The following CHD4 variants were observed in gnomAD, a reference collection of about 807,000 sequenced individuals.
CHD4 encodes the protein chromodomain helicase DNA binding protein 4, also known as ATP-dependent chromatin remodeler CHD4.
CHD4 carries 35 observed loss-of-function variants against 235.5 expected under a neutral mutation model. The observed-to-expected ratio is 0.15, with a 90% CI of 0.11 to 0.20. CHD4 has a LOEUF of 0.20. CHD4 is among the 10% of genes least tolerant of loss of function. CHD4 has a pLI of 1.00. For missense variants in CHD4, 1,329 were observed against 2,432.3 expected (o/e 0.55, Z 9.54); for synonymous variants, 900 against 850.2 (o/e 1.06, Z -1.02).
At position 6,592,476 on chromosome 12, in the gene CHD4, C is replaced by T. The variant is rs779190977; in HGVS notation, c.2865G>A (p.Leu955=). The part of the protein sequence containing the change: ...KLHDMLGPHM[L]RRLKADVFKN... ...TGAACACATCGGCTTTGAGCCGCCG[C>T]AACATGTGCGGCCCCAGCATGTCAT... The change falls in exon 19 of 40, where the codon TTG becomes TTA. Residue 955 remains leucine (L), a synonymous_variant. Transcript: ENST00000544040. The T allele has an allele frequency of 1.7e-5, 27 of 1,612,188 alleles. No individual in the cohort carries two copies. The South Asian group carries it at 2.6e-4, about 16-fold the overall frequency.
At position 6,581,787 on chromosome 12, in the gene CHD4, GC is replaced by G; in HGVS notation, c.4542del (p.Arg1515AlafsTer50). On this transcript the variant is annotated frameshift_variant, in exon 31 of 40. Transcript: ENST00000544040. LOFTEE classifies it high-confidence loss of function. ...TCAGCCAGTTCAGGCATGCTCCAGC[GC>G]CCATTAACATGTTCAAACTCCTGAA... ...KKVQEFEHVN[G>X]RWSMPELAEV... 6.5e-7 allele frequency: 1 copy of G among 1,543,568 alleles called. No homozygotes were observed. The highest frequency in any genetic ancestry group is 8.7e-7 in the Non-Finnish European group (1 of 1,146,310).
At chr12:6,599,671 G>T in intron 10 of CHD4, 102 bp downstream of exon 10, 1 of 1,452,172 alleles carries the variant, frequency 6.9e-7, no homozygotes, top group South Asian at 1.3e-5. Context: ...TCTCAGGGCT[G>T]AAAAGCTCAT....
chr12:6,572,534 C>A (rs1947993128), intron 38 of CHD4, among the ~76,000 whole-genome samples: 3 of 152,082 alleles, frequency 2.0e-5, no homozygotes, highest in African/African-American at 4.8e-5. Flanking sequence ...AGTTCAAGAC[C>A]CACCTGGGCA....
chr12:6,592,323 G>GA lies in CHD4; in HGVS notation c.2948+69dup, dbSNP rs1484999555. ...CCAGATGCCTTGAAGCTGAGTGGGG[G>GA]AGGAATAGGAAACACTCTGCAGACT... On this transcript the variant is annotated intron_variant, in intron 19 of 39. Transcript: ENST00000544040. 3 of 1,508,394 alleles carry GA rather than the reference G, an allele frequency of 2.0e-6. No individual in the cohort carries two copies. The African/African-American group carries it at 4.2e-5, about 21-fold the overall frequency. The allele number at this position is 1,508,394 out of a possible 1,614,324, so 93.4% of individuals were successfully genotyped here.
At chr12:6,588,145 A>G (rs944660307) in intron 23 of CHD4, among the ~76,000 whole-genome samples, 153 bp downstream of exon 23, 1 of 152,234 alleles carries the variant, frequency 6.6e-6, no homozygotes, top group Non-Finnish European at 1.5e-5. Flanking sequence ...ACAGCTAACC[A>G]AACTCTGGCT....
Position 6,577,971 on chromosome 12 carries a change from T to C in CHD4, c.5229-54A>G, listed in dbSNP as rs577636738. 4.1e-5 allele frequency: 66 copies of C among 1,611,802 alleles called. No homozygotes were observed. In the East Asian group the frequency reaches 1.4e-3, roughly 35 times the overall value. ...AACAAGGAAAGTAAGAACCTCAAACTAAAAGACCTTCAGAACCTTTCACCA... is the reference window on the plus strand; with the variant it reads ...AACAAGGAAAGTAAGAACCTCAAACCAAAAGACCTTCAGAACCTTTCACCA... On this transcript the variant is annotated intron_variant, in intron 36 of 39. Coordinates refer to ENST00000544040, the MANE Select transcript of CHD4 (RefSeq NM_001273.5).
chr12:6,583,524 G>A (rs1445560278), intron 25 of CHD4, 146 bp from the exon 26 acceptor site: 2 of 665,040 alleles, frequency 3.0e-6, no homozygotes, highest in African/African-American at 1.8e-5. Context: ...TAAGAACTTA[G>A]AAGAAATTTG....
chr12:6,584,230 G>T (rs181634517), intron 25 of CHD4: 167 of 152,056 alleles, frequency 1.1e-3, no homozygotes, highest in African/African-American at 4.0e-3. Context: ...AAGTCTTTGG[G>T]TACATATATG....
At chr12:6,600,788 G>A in intron 7 of CHD4, 119 bp from the exon 8 acceptor site, 1 of 1,513,152 alleles carries the variant, frequency 6.6e-7, no homozygotes, top group Non-Finnish European at 8.9e-7. Context: ...CGTTATACAG[G>A]GAGCCTAGTC....
At position 6,571,092 on chromosome 12, in the gene CHD4, C is replaced by T; in HGVS notation, c.5558-60G>A. The T allele has an allele frequency of 3.2e-6, 5 of 1,577,074 alleles. No individual in the cohort carries two copies. In the South Asian group the frequency reaches 5.8e-5, roughly 18 times the overall value. Reference sequence around the variant, plus strand: ...TGGCCCAGACTGAGCTCCCTCTACCCTAGTGGACCAGCCCCCCATCACTTC... The same window carrying T: ...TGGCCCAGACTGAGCTCCCTCTACCTTAGTGGACCAGCCCCCCATCACTTC... On this transcript the variant is annotated intron_variant, in intron 38 of 39. Transcript: ENST00000544040.
intron 17 of CHD4, 107 bp downstream of exon 17, chr12:6,592,984 G>C (rs536888113): frequency 2.0e-6 from 3 of 1,536,278 alleles, no homozygotes; most frequent in African/African-American, 2.7e-5. Flanking sequence ...GGAAGGCAGA[G>C]ACAATTTTCC....
At chr12:6,588,245 G>A (rs1309702875) in intron 23 of CHD4, 53 bp downstream of exon 23, 4 of 1,594,456 alleles carry the variant, frequency 2.5e-6, no homozygotes, top group Non-Finnish European at 3.4e-6. Flanking sequence ...AGGCCACTAT[G>A]CCTTTCTAGC....
rs559951232 is a variant in CHD4, at chr12:6,595,240, T to C, written c.2121+94A>G. The C allele has an allele frequency of 7.6e-6, 8 of 1,054,570 alleles. No homozygotes were observed. The African/African-American group carries it at 9.6e-5, about 13-fold the overall frequency. The allele number at this position is 1,054,570 out of a possible 1,614,324, so 65.3% of individuals were successfully genotyped here. The stretch of plus-strand genomic sequence containing the variant: ...AGTAATCTCAGCTACAAAGTTACTA[T>C]CTGCATTTCATTACTTAAGAGTACC... On this transcript the variant is annotated intron_variant, in intron 14 of 39. Coordinates refer to ENST00000544040, the MANE Select transcript of CHD4 (RefSeq NM_001273.5).
chr12:6,571,049 AGAG>A lies in CHD4; in HGVS notation c.5558-20_5558-18del. The A allele has an allele frequency of 6.2e-7, 1 of 1,612,548 alleles. No individual in the cohort carries two copies. The highest frequency in any genetic ancestry group is 8.5e-7 in the Non-Finnish European group (1 of 1,179,074). ...GTTTCAGAACTGCATAGGGAGAAAA[AGAG>A]GTGGTGAGCTGTGGTGGCCCAGACT... On this transcript the variant is annotated intron_variant, in intron 38 of 39. Coordinates refer to ENST00000544040, the MANE Select transcript of CHD4 (RefSeq NM_001273.5).
chr12:6,587,144 TA>T, intron 25 of CHD4: 1 of 502,416 alleles, frequency 2.0e-6, no homozygotes, highest in East Asian at 3.3e-5. Context: ...GACATTCTGG[TA>T]AAGAGCCAAA....
At chr12:6,601,113 T>A (rs1948582142) in intron 6 of CHD4, 60 bp from the exon 7 acceptor site, 1 of 1,524,438 alleles carries the variant, frequency 6.6e-7, no homozygotes. Context: ...AAATAAAATC[T>A]TCTCCACCTA....
intron 35 of CHD4, 91 bp from the exon 36 acceptor site, chr12:6,578,228 C>G (rs1948105954): frequency 7.4e-7 from 1 of 1,356,956 alleles, no homozygotes; most frequent in Non-Finnish European, 1.0e-6. Context: ...CCCACCATCC[C>G]CTACCCCTGG....
chr12:6,595,788 CAAAAAAAAA>C (rs141382153), intron 13 of CHD4, among the ~76,000 whole-genome samples: 1 of 82,526 alleles, frequency 1.2e-5, no homozygotes, highest in South Asian at 4.2e-4. Context: ...GACTTCGTCT[CAAAAAAAAA>C]AAAAAAAAAA....
rs769701672 is a variant in CHD4, at chr12:6,570,906, C to T, written c.5684G>A (p.Arg1895His). 1.9e-6 allele frequency: 3 copies of T among 1,614,030 alleles called. No homozygotes were observed. Among genetic ancestry groups the T allele is most frequent in the African/African-American group, 1.3e-5 (1 of 74,902 alleles). Residue 1895 changes from arginine to histidine, a missense_variant, in exon 39 of 40, where the codon CGC becomes CAC. Arg to His is a conservative substitution (Grantham distance 29). This residue lies in a region of CHD4 where 135 missense variants were observed against 282.3 expected (regional missense o/e 0.48). Transcript: ENST00000544040. The stretch of plus-strand genomic sequence containing the variant: ...AGGTTCGGGTGCCCGGTTTGCCAGG[C>T]GGCTGAGAATGTTACGCTCTGACAT... Reference protein sequence around the residue: ...LQMSERNILSRLANRAPEPTP... With the variant: ...LQMSERNILSHLANRAPEPTP...
Sources: gnomAD v4.1 joint callset for allele counts (sites outside exome capture counted in the v4.1 genomes callset) on GRCh38, gnomAD v4.1.1 for gene constraint, gnomAD v4.1.1 regional missense constraint, MANE v1.5 for transcripts, NCBI Gene and HGNC (gene_info 2026-07-23, HGNC 2026-07-21) for gene names.